The following SPIDR variants were observed in gnomAD, a reference collection of about 807,000 sequenced individuals.
SPIDR encodes the protein DNA repair-scaffolding protein.
SPIDR carries 93 observed loss-of-function variants against 104.6 expected under a neutral mutation model. The observed-to-expected ratio is 0.89, with a 90% CI of 0.75 to 1.06. SPIDR has a LOEUF of 1.06. Among genes scored for constraint, SPIDR ranks in the 50% least tolerant of loss-of-function variants. The pLI is 0.00. For missense variants in SPIDR, 1,154 were observed against 1,111.2 expected, an observed-to-expected ratio of 1.04 and a Z score of -0.55; for synonymous variants, 431 against 416.9, an observed-to-expected ratio of 1.03 and a Z score of -0.41.
intron 10 of SPIDR, among the ~76,000 whole-genome samples, chr8:47,602,215 G>T (rs1397861685): frequency 3.9e-5 from 6 of 152,198 alleles, no homozygotes; most frequent in Non-Finnish European, 2.9e-5. Flanking sequence ...CATATGGAAT[G>T]CTCTGTGGGT....
At position 47,459,991 on chromosome 8, in the gene SPIDR, CTGAAAGAGTACT is replaced by C. The variant is rs71225685; in HGVS notation, c.1097+19453_1097+19464del. 2.5e-3 allele frequency among the ~76,000 whole-genome samples: 373 copies of C among 152,180 alleles called. 1 individual carries two copies. The highest frequency in any genetic ancestry group is 0.014 in the South Asian group (65 of 4,812). On this transcript the variant is annotated intron_variant, in intron 8 of 19. Transcript: ENST00000297423. Reference sequence around the variant, plus strand: ...ATTTCCATTTTTATTCCACTGTGGTCTGAAAGAGTACTTGATATAATTTCAGTTTTCTTAAAT... The same window carrying C: ...ATTTCCATTTTTATTCCACTGTGGTCTGATATAATTTCAGTTTTCTTAAAT...
At chr8:47,439,258 G>A (rs782025487) in intron 7 of SPIDR, among the ~76,000 whole-genome samples, 9 of 152,162 alleles carry the variant, frequency 5.9e-5, no homozygotes, top group Non-Finnish European at 1.2e-4. Context: ...TCTCCTTAGA[G>A]ACAGTGGCTT....
chr8:47,398,855 A>G (rs1403250339), intron 6 of SPIDR, among the ~76,000 whole-genome samples: 3 of 152,142 alleles, frequency 2.0e-5, no homozygotes, highest in Non-Finnish European at 4.4e-5. Context: ...GAGCCAAAGC[A>G]AAGGGAGCAT....
chr8:47,695,922 G>A (rs568671416), intron 11 of SPIDR, among the ~76,000 whole-genome samples: 1 of 152,162 alleles, frequency 6.6e-6, no homozygotes, highest in Non-Finnish European at 1.5e-5. Context: ...TTCATCTATT[G>A]TATATTTCTG....
intron 8 of SPIDR, among the ~76,000 whole-genome samples, chr8:47,563,210 C>T (rs547516171): frequency 6.6e-6 from 1 of 152,200 alleles, no homozygotes; most frequent in Admixed American, 6.5e-5. Flanking sequence ...CACCCTGTCG[C>T]CTAGGCTGAA....
At chr8:47,334,376 G>C (rs534489444) in intron 5 of SPIDR, among the ~76,000 whole-genome samples, 2 of 152,002 alleles carry the variant, frequency 1.3e-5, no homozygotes, top group Admixed American at 6.5e-5. Context: ...TTGAAGTCTC[G>C]GATTATGATA....
intron 8 of SPIDR, among the ~76,000 whole-genome samples, chr8:47,443,346 G>A (rs1355900735): frequency 6.6e-6 from 1 of 152,016 alleles, no homozygotes; most frequent in Non-Finnish European, 1.5e-5. Flanking sequence ...AAGGCAGGTG[G>A]GTCATTTGAG....
At chr8:47,528,351 C>T (rs1338378905) in intron 8 of SPIDR, among the ~76,000 whole-genome samples, 1 of 152,142 alleles carries the variant, frequency 6.6e-6, no homozygotes, top group Non-Finnish European at 1.5e-5. Context: ...GATCTTTATA[C>T]TGCAGTCTGT....
At chr8:47,520,727 T>G (rs1319012004) in intron 8 of SPIDR, among the ~76,000 whole-genome samples, 2 of 152,222 alleles carry the variant, frequency 1.3e-5, no homozygotes, top group Admixed American at 6.5e-5. Flanking sequence ...TCATCAAGGT[T>G]AAATAACTTG....
chr8:47,527,570 A>G (rs1055137307), intron 8 of SPIDR: 1 of 152,312 alleles, frequency 6.6e-6, no homozygotes, highest in Non-Finnish European at 1.5e-5. Flanking sequence ...CATGGACACC[A>G]GAGAAAATTT....
chr8:47,587,918 A>G (rs373363291), intron 8 of SPIDR, among the ~76,000 whole-genome samples: 2 of 150,576 alleles, frequency 1.3e-5, no homozygotes, highest in East Asian at 3.9e-4. Flanking sequence ...TTATAGTTAT[A>G]AAATAAGTCT....
chr8:47,402,025 A>G (rs1342586359), intron 6 of SPIDR, among the ~76,000 whole-genome samples: 1 of 152,232 alleles, frequency 6.6e-6, no homozygotes, highest in Non-Finnish European at 1.5e-5. Flanking sequence ...AATCAAGAGA[A>G]TATACATTCT....
chr8:47,304,036 T>C (rs1215566646), intron 5 of SPIDR, among the ~76,000 whole-genome samples: 1 of 151,938 alleles, frequency 6.6e-6, no homozygotes, highest in Admixed American at 6.6e-5. Context: ...AGACTTTCCA[T>C]ATTAAGTTGA....
At chr8:47,577,186 G>A (rs1252708341) in intron 8 of SPIDR, among the ~76,000 whole-genome samples, 1 of 152,196 alleles carries the variant, frequency 6.6e-6, no homozygotes, top group Non-Finnish European at 1.5e-5. Context: ...CTATCTCATG[G>A]AGTGAGATCT....
intron 8 of SPIDR, among the ~76,000 whole-genome samples, chr8:47,505,079 A>C (rs2081262236): frequency 6.6e-6 from 1 of 152,214 alleles, no homozygotes; most frequent in South Asian, 2.1e-4. Context: ...CTCAGGGGTC[A>C]GAGACCCACT....
intron 5 of SPIDR, among the ~76,000 whole-genome samples, chr8:47,297,614 C>A (rs1038976620): frequency 1.5e-4 from 23 of 152,230 alleles, no homozygotes; most frequent in East Asian, 5.8e-4. Context: ...CCACCTCCCC[C>A]ACCCCACGAC....
intron 19 of SPIDR, among the ~76,000 whole-genome samples, chr8:47,734,154 C>T (rs1338822730): frequency 6.6e-6 from 1 of 152,170 alleles, no homozygotes; most frequent in Non-Finnish European, 1.5e-5. Context: ...GCGGGTGCCC[C>T]CAAGGCCGGT....
intron 16 of SPIDR, among the ~76,000 whole-genome samples, chr8:47,715,400 C>T (rs899661124): frequency 1.3e-5 from 2 of 152,140 alleles, no homozygotes; most frequent in Non-Finnish European, 2.9e-5. Flanking sequence ...TGGTCTCGAA[C>T]TCCTGACCTC....
At chr8:47,697,642 AG>A (rs1255347207) in intron 11 of SPIDR, 2 of 152,314 alleles carry the variant, frequency 1.3e-5, no homozygotes, top group Admixed American at 1.3e-4. Context: ...CCCCCAAGTG[AG>A]TGCGCAGAGG....
Sources: gnomAD v4.1 joint callset for allele counts (sites outside exome capture counted in the v4.1 genomes callset) on GRCh38, gnomAD v4.1.1 for gene constraint, MANE v1.5 for transcripts, NCBI Gene and HGNC (gene_info 2026-07-23, HGNC 2026-07-21) for gene names.